The following HNRNPD variants were observed in gnomAD, a reference collection of about 807,000 sequenced individuals.
HNRNPD encodes the protein heterogeneous nuclear ribonucleoprotein D0.
In HNRNPD, 3 loss-of-function variants were observed where a neutral mutation model predicts 47.9. That is an observed-to-expected ratio of 0.06 (90% CI 0.03 to 0.16). The LOEUF (loss-of-function observed/expected upper bound fraction) is 0.16, where lower values mean the gene tolerates loss of function less well. Ranked by LOEUF, HNRNPD falls within the 10% of genes least tolerant of loss-of-function variation. The pLI, the probability that HNRNPD is intolerant of heterozygous loss-of-function variation, is 1.00. For missense variants in HNRNPD, 287 were observed against 454.2 expected (o/e 0.63, Z 3.35); for synonymous variants, 171 against 165.1 (o/e 1.04, Z -0.28).
At chr4:82,359,723 C>T in intron 2 of HNRNPD, 84 bp from the exon 3 acceptor site, 3 of 835,104 alleles carry the variant, frequency 3.6e-6, no homozygotes, top group Non-Finnish European at 5.4e-6. Context: ...CTTTTCCAAA[C>T]TGCACCAGTT....
chr4:82,362,872 T>A (rs1719545171), intron 2 of HNRNPD, among the ~76,000 whole-genome samples: 1 of 151,978 alleles, frequency 6.6e-6, no homozygotes, highest in Non-Finnish European at 1.5e-5. Context: ...ACTGCTGGGA[T>A]TACAGGCGGA....
intron 6 of HNRNPD, 22 bp downstream of exon 6, chr4:82,356,769 ATAGAG>A (rs776026051): frequency 6.2e-7 from 1 of 1,611,076 alleles, no homozygotes; most frequent in Non-Finnish European, 8.5e-7. Flanking sequence ...AAAGCTTAAG[ATAGAG>A]TAAACTTAGG....
chr4:82,363,590 C>A (rs1719599182), intron 2 of HNRNPD, among the ~76,000 whole-genome samples: 1 of 152,214 alleles, frequency 6.6e-6, no homozygotes, highest in African/African-American at 2.4e-5. Flanking sequence ...AAGATGGCCC[C>A]TAACGCTGCA....
chr4:82,371,066 C>G (rs924561151), intron 2 of HNRNPD, among the ~76,000 whole-genome samples: 2 of 152,056 alleles, frequency 1.3e-5, no homozygotes, highest in Non-Finnish European at 2.9e-5. Flanking sequence ...TTCCATAATA[C>G]ACAGTGCTGC....
chr4:82,367,627 T>A (rs1481177905), intron 2 of HNRNPD, among the ~76,000 whole-genome samples: 3 of 152,032 alleles, frequency 2.0e-5, no homozygotes, highest in Non-Finnish European at 4.4e-5. Flanking sequence ...TAGTCTGAAG[T>A]CTAGATAAGC....
chr4:82,356,730 T>G (rs753330419), intron 6 of HNRNPD, 47 bp from the exon 7 acceptor site: 7 of 1,613,436 alleles, frequency 4.3e-6, no homozygotes, highest in Non-Finnish European at 5.9e-6. Flanking sequence ...TCAGCAAAGA[T>G]CTTTACTTCA....
chr4:82,373,202 G>T, intron 1 of HNRNPD: 1 of 696,706 alleles, frequency 1.4e-6, no homozygotes, highest in Non-Finnish European at 2.6e-6. Flanking sequence ...GCGGGCCGAG[G>T]AGCAGCATGG....
rs1720233987 is a variant in HNRNPD, at chr4:82,373,531, C to T, written c.148G>A (p.Gly50Arg). ...CCTTCGGTGCCTCCAGACGCGGTTC[C>T]GCCCCCGGTCCCGGCTCCGCTTCCC... ...AAGSGAGTGG[G>R]TASGGTEGGS... The change falls in exon 1 of 9, where the codon GGA (glycine) becomes AGA (arginine). Residue 50 changes from glycine to arginine, a missense_variant. This residue lies in a region of HNRNPD where 161 missense variants were observed against 137.1 expected (regional missense o/e 1.17). Coordinates refer to ENST00000313899, the MANE Select transcript of HNRNPD (RefSeq NM_031370.3). 1.3e-6 allele frequency: 2 copies of T among 1,541,968 alleles called. No homozygotes were observed. Among genetic ancestry groups the T allele is most frequent in the Non-Finnish European group, 1.7e-6 (2 of 1,143,440 alleles).
At chr4:82,358,880 TTAAC>T in intron 3 of HNRNPD, 60 bp from the exon 4 acceptor site, 1 of 1,217,936 alleles carries the variant, frequency 8.2e-7, no homozygotes, top group South Asian at 1.5e-5. Flanking sequence ...TCAGAGACTA[TTAAC>T]TTACTTAAAA....
chr4:82,371,400 C>A (rs964836672), intron 2 of HNRNPD, 128 bp downstream of exon 2: 4 of 656,578 alleles, frequency 6.1e-6, no homozygotes, highest in Non-Finnish European at 1.0e-5. Flanking sequence ...ATCCCAGGTA[C>A]AAACCTACTG....
intron 2 of HNRNPD, among the ~76,000 whole-genome samples, chr4:82,363,670 GTATTT>G (rs137903295): frequency 0.015 from 2,294 of 152,224 alleles, 50 homozygotes; most frequent in African/African-American, 0.053. Flanking sequence ...TTCATCTACT[GTATTT>G]TATTAACATA....
intron 2 of HNRNPD, among the ~76,000 whole-genome samples, chr4:82,364,487 T>A (rs1481430858): frequency 6.6e-6 from 1 of 152,206 alleles, no homozygotes; most frequent in Non-Finnish European, 1.5e-5. Context: ...CATAATTTAA[T>A]AAAGCAAACT....
rs1247009607 is a variant in HNRNPD at position 82,371,521 on chromosome 4, G to T, written c.290+7C>A. The T allele has an allele frequency of 6.2e-7, 1 of 1,607,250 alleles. No individual in the cohort carries two copies. Among genetic ancestry groups the T allele is most frequent in the Non-Finnish European group, 8.5e-7 (1 of 1,175,662 alleles). On this transcript the variant is annotated splice_region_variant and intron_variant, in intron 2 of 8. Transcript: ENST00000313899. ...TATAATACAGAAATAAAATTTAAAA[G>T]TTTTACCATTCTTCCCGCTGTGCCG... is the stretch of plus-strand genomic sequence containing the variant.
At chr4:82,357,730 GAAGAA>G in intron 4 of HNRNPD, 1 of 231,558 alleles carries the variant, frequency 4.3e-6, no homozygotes, top group Non-Finnish European at 8.3e-6. Flanking sequence ...CAAAGAACAA[GAAGAA>G]AACAGTCAAA....
chr4:82,372,576 A>G (rs191747190), intron 1 of HNRNPD, among the ~76,000 whole-genome samples: 21 of 152,286 alleles, frequency 1.4e-4, no homozygotes, highest in Admixed American at 1.4e-3. Flanking sequence ...GTAAGGTACA[A>G]TCTGTACTAA....
rs1160920559 is a variant in HNRNPD at position 82,365,556 on chromosome 4, TC to T, written c.291-5918del. ...TGGGAGAGAGCTTGACAAGCTTTCA[TC>T]GAGTTCAAATACTAACCAGCCTTTT... On this transcript the variant is annotated intron_variant, in intron 2 of 8. Coordinates refer to ENST00000313899, the MANE Select transcript of HNRNPD (RefSeq NM_031370.3). Among the ~76,000 whole-genome samples, 6 of 152,190 alleles carry T rather than the reference TC, an allele frequency of 3.9e-5. No individual in the cohort carries two copies. The East Asian group carries it at 1.2e-3, about 29-fold the overall frequency.
chr4:82,366,328 C>A (rs1482241680), intron 2 of HNRNPD, among the ~76,000 whole-genome samples: 3 of 152,178 alleles, frequency 2.0e-5, no homozygotes, highest in Non-Finnish European at 2.9e-5. Context: ...ACTGCAACCT[C>A]TGCTTCCCGG....
chr4:82,357,478 A>G lies in HNRNPD; in HGVS notation c.622-34T>C, dbSNP rs374370722. On this transcript the variant is annotated intron_variant, in intron 4 of 8. Coordinates refer to ENST00000313899, the MANE Select transcript of HNRNPD (RefSeq NM_031370.3). ...AAAAAACAAATTTTAATATGCTAAC[A>G]TGCATTTTATTGACCTTAAAAGAAA... is the stretch of plus-strand genomic sequence containing the variant. 2.1e-5 allele frequency: 33 copies of G among 1,565,044 alleles called. No individual in the cohort carries two copies. In the African/African-American group the frequency reaches 3.4e-4, roughly 16 times the overall value.
At chr4:82,373,351 C>T (rs1720193568) in intron 1 of HNRNPD, 95 bp downstream of exon 1, 1 of 1,426,042 alleles carries the variant, frequency 7.0e-7, no homozygotes, top group Non-Finnish European at 9.2e-7. Context: ...GCCCGGAGAA[C>T]GGGCTGAGAG....
Sources: gnomAD v4.1 joint callset for allele counts (sites outside exome capture counted in the v4.1 genomes callset) on GRCh38, gnomAD v4.1.1 for gene constraint, gnomAD v4.1.1 regional missense constraint, MANE v1.5 for transcripts, NCBI Gene and HGNC (gene_info 2026-07-23, HGNC 2026-07-21) for gene names.